RGS22: variants seen among roughly 807,000 people sequenced by gnomAD.
RGS22 encodes the protein regulator of G protein signaling 22.
A neutral mutation model predicts 172.9 loss-of-function variants in RGS22; 148 were observed. That is an observed-to-expected ratio of 0.86 (90% CI 0.75 to 0.98). The LOEUF (loss-of-function observed/expected upper bound fraction) is 0.98, where lower values mean the gene tolerates loss of function less well. RGS22 is among the 50% of genes least tolerant of loss of function. The pLI is 0.00. For missense variants in RGS22, 1,347 were observed against 1,440.8 expected, an observed-to-expected ratio of 0.93 and a Z score of 1.05; for synonymous variants, 458 against 480.2, an observed-to-expected ratio of 0.95 and a Z score of 0.60.
intron 4 of RGS22, among the ~76,000 whole-genome samples, 168 bp from the exon 5 acceptor site, chr8:100,072,398 G>T (rs999321853): frequency 6.9e-6 from 1 of 145,478 alleles, no homozygotes; most frequent in Non-Finnish European, 1.5e-5. Context: ...ACAAATGTGA[G>T]GCACTTCTTG....
At chr8:100,039,534 G>A (rs773388425) in intron 13 of RGS22, among the ~76,000 whole-genome samples, 6 of 151,856 alleles carry the variant, frequency 4.0e-5, no homozygotes, top group East Asian at 1.9e-4. Context: ...GCACCACCAC[G>A]CCCAGCTAAT....
chr8:100,067,621 A>T (rs113324381), intron 6 of RGS22, among the ~76,000 whole-genome samples: 11 of 124,478 alleles, frequency 8.8e-5, no homozygotes, highest in African/African-American at 3.7e-4. Flanking sequence ...CACTTTATAC[A>T]TTTTTTTTTT....
chr8:100,024,918 C>T (rs925561538), intron 14 of RGS22, among the ~76,000 whole-genome samples: 5 of 151,844 alleles, frequency 3.3e-5, no homozygotes, highest in East Asian at 1.9e-4. Flanking sequence ...GAAACATTAA[C>T]GAAACGTCAG....
intron 10 of RGS22, among the ~76,000 whole-genome samples, chr8:100,049,691 A>G (rs1416012543): frequency 6.6e-6 from 1 of 152,176 alleles, no homozygotes; most frequent in African/African-American, 2.4e-5. Context: ...ACTAAAGTAC[A>G]TTAACTTAAA....
At chr8:100,055,285 A>G (rs958573922) in intron 9 of RGS22, among the ~76,000 whole-genome samples, 3 of 152,236 alleles carry the variant, frequency 2.0e-5, no homozygotes, top group African/African-American at 7.2e-5. Flanking sequence ...TAGGTGGCTC[A>G]GAACAGAAAG....
chr8:100,045,171 G>C (rs141963194), intron 11 of RGS22, among the ~76,000 whole-genome samples: 49 of 152,142 alleles, frequency 3.2e-4, no homozygotes, highest in African/African-American at 1.2e-3. Context: ...TTACTTGGGA[G>C]GCTGAGGTGG....
chr8:100,004,512 T>C (rs1815467467), intron 16 of RGS22: 1 of 151,892 alleles, frequency 6.6e-6, no homozygotes, highest in African/African-American at 2.4e-5. Context: ...ATATGTGTAG[T>C]TTATAAAAAA....
At position 100,003,606 on chromosome 8, in the gene RGS22, A is replaced by T. The variant is rs573511127; in HGVS notation, c.2627+320T>A. Among the ~76,000 whole-genome samples, 6 of 152,218 alleles carry T rather than the reference A, an allele frequency of 3.9e-5. No homozygotes were observed. In the East Asian group the frequency reaches 1.2e-3, roughly 29 times the overall value. Reference sequence around the variant, plus strand: ...GGACACATTCCAGAAACAGTAATTAAAATACCAGTCTAGAGAAATATAAAA... The same window carrying T: ...GGACACATTCCAGAAACAGTAATTATAATACCAGTCTAGAGAAATATAAAA... On this transcript the variant is annotated intron_variant, in intron 17 of 27. Coordinates refer to ENST00000360863, the MANE Select transcript of RGS22 (RefSeq NM_015668.5).
chr8:99,992,333 A>G (rs1813845679), intron 20 of RGS22, among the ~76,000 whole-genome samples: 2 of 152,214 alleles, frequency 1.3e-5, no homozygotes, highest in African/African-American at 4.8e-5. Flanking sequence ...AATTGGATAA[A>G]GAGTCAAGAC....
rs900049049 is a variant in RGS22 at position 100,076,068 on chromosome 8, GTTAT to G, written c.340-3842_340-3839del. Reference sequence around the variant, plus strand: ...AACCCTTTGCACATTTTTTAATTGGGTTATTTGTCTTTTTATTTTTGAGTTTTAA... The same window carrying G: ...AACCCTTTGCACATTTTTTAATTGGGTTGTCTTTTTATTTTTGAGTTTTAA... On this transcript the variant is annotated intron_variant, in intron 4 of 27. Transcript: ENST00000360863. Among the ~76,000 whole-genome samples, 37 of 151,896 alleles carry G rather than the reference GTTAT, an allele frequency of 2.4e-4. 1 individual carries two copies. Among genetic ancestry groups the G allele is most frequent in the Admixed American group, 2.1e-3 (32 of 15,262 alleles).
intron 21 of RGS22, among the ~76,000 whole-genome samples, chr8:99,987,221 T>C (rs769111181): frequency 6.6e-6 from 1 of 152,184 alleles, no homozygotes; most frequent in Non-Finnish European, 1.5e-5. Context: ...ATTTTCAGAC[T>C]TGGAATGCCC....
At chr8:100,060,123 G>A (rs572429681) in intron 9 of RGS22, among the ~76,000 whole-genome samples, 70 of 152,052 alleles carry the variant, frequency 4.6e-4, no homozygotes, top group African/African-American at 1.3e-3. Flanking sequence ...ACAATTCACC[G>A]ATCTTCAAAT....
rs141621422 is a variant in RGS22, at chr8:100,006,295, T to C, written c.2362-186A>G. 4.6e-3 allele frequency among the ~76,000 whole-genome samples: 699 copies of C among 152,322 alleles called. 5 individuals are homozygous for C. The highest frequency in any genetic ancestry group is 0.016 in the African/African-American group (662 of 41,572). On this transcript the variant is annotated intron_variant, in intron 15 of 27. Transcript: ENST00000360863. ...TCAAAAGGATGCAATAAAAAATGCA[T>C]ACATTTCTATGTAATGATATAGTGC...
chr8:100,052,162 TATATAAAC>T (rs1821689556), intron 10 of RGS22, among the ~76,000 whole-genome samples: 1 of 32,420 alleles, frequency 3.1e-5, no homozygotes, highest in Non-Finnish European at 6.3e-5. Flanking sequence ...TATATATAAA[TATATAAAC>T]ATATATAAAT....
At chr8:100,076,556 C>T (rs1402906811) in intron 4 of RGS22, among the ~76,000 whole-genome samples, 1 of 152,148 alleles carries the variant, frequency 6.6e-6, no homozygotes, top group African/African-American at 2.4e-5. Context: ...AAGTGTTTGA[C>T]AGAATTAACC....
chr8:100,098,951 C>T (rs571806220), intron 2 of RGS22, among the ~76,000 whole-genome samples: 34 of 148,560 alleles, frequency 2.3e-4, no homozygotes, highest in African/African-American at 7.9e-4. Context: ...AAGTCTCGCT[C>T]TGTCACCAGG....
At chr8:100,029,888 T>C (rs906091308) in intron 14 of RGS22, among the ~76,000 whole-genome samples, 1 of 152,020 alleles carries the variant, frequency 6.6e-6, no homozygotes, top group Non-Finnish European at 1.5e-5. Context: ...AAATATAATG[T>C]TTAATAATAC....
intron 3 of RGS22, among the ~76,000 whole-genome samples, chr8:100,090,007 T>A (rs1340880837): frequency 6.6e-6 from 1 of 152,136 alleles, no homozygotes; most frequent in Non-Finnish European, 1.5e-5. Context: ...AATGACAGAT[T>A]TGTTTGGCAC....
intron 14 of RGS22, among the ~76,000 whole-genome samples, chr8:100,032,618 G>A (rs895237106): frequency 2.0e-5 from 3 of 152,014 alleles, no homozygotes; most frequent in African/African-American, 7.2e-5. Context: ...TGAGACAGAA[G>A]GTTAACAAAG....
Sources: allele counts gnomAD v4.1 joint callset (sites outside exome capture counted in the v4.1 genomes callset), GRCh38; gene constraint gnomAD v4.1.1; transcripts MANE v1.5; gene names NCBI Gene and HGNC (gene_info 2026-07-23, HGNC 2026-07-21).